EPHA7: variants seen among roughly 807,000 people sequenced by gnomAD.
EPHA7 encodes ephrin type-A receptor 7.
EPHA7 carries 25 observed loss-of-function variants against 112.6 expected under a neutral mutation model. The ratio of observed to expected loss-of-function variants is 0.22; its 90% CI spans 0.16 to 0.31. The LOEUF (loss-of-function observed/expected upper bound fraction) is 0.31, where lower values mean the gene tolerates loss of function less well. EPHA7 is among the 10% of genes least tolerant of loss of function. The pLI, the probability that EPHA7 is intolerant of heterozygous loss-of-function variation, is 1.00. For missense variants in EPHA7, 962 were observed against 1,212.6 expected, an observed-to-expected ratio of 0.79 and a Z score of 3.07; for synonymous variants, 437 against 406.5, an observed-to-expected ratio of 1.07 and a Z score of -0.90.
intron 5 of EPHA7, among the ~76,000 whole-genome samples, chr6:93,349,187 C>T (rs968540648): frequency 6.6e-6 from 1 of 151,686 alleles, no homozygotes; most frequent in Non-Finnish European, 1.5e-5. Flanking sequence ...AAATATCATC[C>T]TTTTTGTATG....
chr6:93,259,573 C>T, intron 9 of EPHA7, 94 bp from the exon 10 acceptor site: 2 of 1,467,994 alleles, frequency 1.4e-6, no homozygotes. Flanking sequence ...CTCCTTGGAA[C>T]AGTGAACTTG....
intron 5 of EPHA7, among the ~76,000 whole-genome samples, chr6:93,336,533 G>T (rs1774880510): frequency 1.3e-5 from 2 of 152,112 alleles, no homozygotes; most frequent in African/African-American, 4.8e-5. Flanking sequence ...CTCCCGAGTA[G>T]CTGGGACTAC....
At chr6:93,405,818 T>TATAG (rs1778686890) in intron 3 of EPHA7, among the ~76,000 whole-genome samples, 1 of 37,370 alleles carries the variant, frequency 2.7e-5, no homozygotes, top group Non-Finnish European at 5.1e-5. Context: ...TGTGTGTATA[T>TATAG]ATATATATAT....
intron 14 of EPHA7, among the ~76,000 whole-genome samples, chr6:93,247,332 G>C (rs565541819): frequency 6.6e-6 from 1 of 152,234 alleles, no homozygotes; most frequent in African/African-American, 2.4e-5. Flanking sequence ...ATCCATATGT[G>C]CCCATACATT....
At chr6:93,403,987 T>C (rs935025030) in intron 3 of EPHA7, among the ~76,000 whole-genome samples, 3 of 152,108 alleles carry the variant, frequency 2.0e-5, no homozygotes, top group African/African-American at 7.2e-5. Context: ...CGTAGAAATA[T>C]CTATGGGCAT....
intron 2 of EPHA7, among the ~76,000 whole-genome samples, chr6:93,412,021 T>C (rs1779000136): frequency 6.6e-6 from 1 of 152,082 alleles, no homozygotes; most frequent in Admixed American, 6.5e-5. Context: ...TTTGTCAGAA[T>C]TTGCAACAAT....
At chr6:93,281,148 G>A (rs1446327219) in intron 5 of EPHA7, among the ~76,000 whole-genome samples, 5 of 152,064 alleles carry the variant, frequency 3.3e-5, no homozygotes, top group Non-Finnish European at 1.5e-5. Flanking sequence ...TTATATGCAT[G>A]AGCTAGCTAG....
chr6:93,282,150 A>T (rs1266410880), intron 5 of EPHA7, among the ~76,000 whole-genome samples: 1 of 152,174 alleles, frequency 6.6e-6, no homozygotes, highest in Non-Finnish European at 1.5e-5. Context: ...GTATTTAAAC[A>T]ATATATAATT....
intron 3 of EPHA7, among the ~76,000 whole-genome samples, chr6:93,403,199 T>C (rs990252785): frequency 4.6e-5 from 7 of 152,092 alleles, no homozygotes; most frequent in African/African-American, 1.7e-4. Flanking sequence ...ATTAATTGCA[T>C]TGAAATTAAT....
chr6:93,300,782 A>G (rs554578994), intron 5 of EPHA7, among the ~76,000 whole-genome samples: 1 of 152,310 alleles, frequency 6.6e-6, no homozygotes, highest in South Asian at 2.1e-4. Flanking sequence ...ACAAATATAC[A>G]GTCATGCATT....
At chr6:93,325,769 G>T (rs1318019718) in intron 5 of EPHA7, among the ~76,000 whole-genome samples, 19 of 151,268 alleles carry the variant, frequency 1.3e-4, no homozygotes. Flanking sequence ...GACACACTTT[G>T]AAGTTTCTAA....
intron 5 of EPHA7, among the ~76,000 whole-genome samples, chr6:93,316,304 A>G (rs1319310714): frequency 6.6e-6 from 1 of 152,144 alleles, no homozygotes; most frequent in Middle Eastern, 3.2e-3. Flanking sequence ...CTAACTTCCT[A>G]ACAGTGTTTA....
intron 7 of EPHA7, among the ~76,000 whole-genome samples, chr6:93,267,707 A>G (rs901123883): frequency 6.6e-6 from 1 of 151,730 alleles, no homozygotes; most frequent in African/African-American, 2.4e-5. Context: ...CACTACTTTA[A>G]TCTCTGAGTC....
chr6:93,296,677 G>T (rs1772689261), intron 5 of EPHA7, among the ~76,000 whole-genome samples: 1 of 151,518 alleles, frequency 6.6e-6, no homozygotes, highest in Non-Finnish European at 1.5e-5. Flanking sequence ...TAAAATAATG[G>T]TTACCAGGGA....
In EPHA7 at chr6:93,383,639, G is replaced by A. The variant is rs151263123; in HGVS notation, c.833-25228C>T. 8.6e-3 allele frequency among the ~76,000 whole-genome samples: 1,313 copies of A among 152,216 alleles called. 20 individuals carry two copies. Among genetic ancestry groups the A allele is most frequent in the African/African-American group, 0.03 (1,253 of 41,522 alleles). ...AAATAAAATATTCTGGGACTTCTAA[G>A]GAGATATTAGTTTTGATCATAAAAA... On this transcript the variant is annotated intron_variant, in intron 3 of 16. Transcript: ENST00000369303.
At position 93,304,954 on chromosome 6, in the gene EPHA7, A is replaced by G. The variant is rs900328245; in HGVS notation, c.1325-32532T>C. On this transcript the variant is annotated intron_variant, in intron 5 of 16. Transcript: ENST00000369303. ...CTCTTACTGTTACTTAAAATTGTCA[A>G]TCAACCCCTGCCTCACCACCCCATT... Among the ~76,000 whole-genome samples the G allele has an allele frequency of 3.3e-5, 5 of 151,986 alleles. No homozygotes were observed. The East Asian group carries it at 5.8e-4, about 18-fold the overall frequency.
In EPHA7 at chr6:93,320,785, A is replaced by C. The variant is rs368581327; in HGVS notation, c.1324+35932T>G. Among the ~76,000 whole-genome samples, 8 of 152,068 alleles carry C rather than the reference A, an allele frequency of 5.3e-5. No homozygotes were observed. In the East Asian group the frequency reaches 7.7e-4, roughly 15 times the overall value. On this transcript the variant is annotated intron_variant, in intron 5 of 16. Coordinates refer to ENST00000369303, the MANE Select transcript of EPHA7 (RefSeq NM_004440.4). ...GCTTACACAGCTTTGCTAGTATTTAATGCTTTAGAGACAAGATGGCCCAAC... is the reference window on the plus strand; with the variant it reads ...GCTTACACAGCTTTGCTAGTATTTACTGCTTTAGAGACAAGATGGCCCAAC...
chr6:93,309,810 G>T (rs912697083), intron 5 of EPHA7, among the ~76,000 whole-genome samples: 1 of 152,088 alleles, frequency 6.6e-6, no homozygotes, highest in Non-Finnish European at 1.5e-5. Context: ...GATGTTAAAG[G>T]CCATGAGTAG....
chr6:93,272,149 A>C (rs1771253466), intron 6 of EPHA7, 149 bp downstream of exon 6: 1 of 752,130 alleles, frequency 1.3e-6, no homozygotes. Context: ...AGAGATTCAC[A>C]GAGATGGTTA....
Sources: allele counts gnomAD v4.1 joint callset (sites outside exome capture counted in the v4.1 genomes callset), GRCh38; gene constraint gnomAD v4.1.1; transcripts MANE v1.5; gene names NCBI Gene and HGNC (gene_info 2026-07-23, HGNC 2026-07-21).